The following CDH18 variants were observed in gnomAD, a reference collection of about 807,000 sequenced individuals.
CDH18 encodes the protein cadherin 18.
Under a neutral mutation model 67.9 loss-of-function variants are expected in CDH18, and 31 were observed. The observed-to-expected ratio is 0.46, with a 90% CI of 0.34 to 0.62. CDH18 has a LOEUF of 0.62. CDH18 is among the 20% of genes least tolerant of loss of function. The pLI is 0.01. For synonymous variants in CDH18, 362 were observed against 347.2 expected (o/e 1.04, Z -0.48); for missense variants, 890 against 975.5 (o/e 0.91, Z 1.17).
At chr5:19,816,124 A>G (rs1779261771) in intron 3 of CDH18, among the ~76,000 whole-genome samples, 1 of 151,962 alleles carries the variant, frequency 6.6e-6, no homozygotes, top group African/African-American at 2.4e-5. Flanking sequence ...ATGTCAATAT[A>G]GCCAAGATTC....
chr5:20,443,300 G>A (rs1354466822), intron 1 of CDH18, among the ~76,000 whole-genome samples: 3 of 149,338 alleles, frequency 2.0e-5, no homozygotes, highest in East Asian at 2.0e-4. Flanking sequence ...AATGTTTTAT[G>A]TTCTTGCTTT....
At chr5:20,139,990 A>G (rs1750097495) in intron 2 of CDH18, among the ~76,000 whole-genome samples, 1 of 152,200 alleles carries the variant, frequency 6.6e-6, no homozygotes, top group Admixed American at 6.5e-5. Context: ...AGGAGTATAA[A>G]TCATGCTGCT....
At chr5:19,690,417 C>T (rs1443176631) in intron 5 of CDH18, among the ~76,000 whole-genome samples, 1 of 151,070 alleles carries the variant, frequency 6.6e-6, no homozygotes, top group Admixed American at 6.6e-5. Context: ...TAAAAACACC[C>T]CAAACTTAAT....
intron 2 of CDH18, among the ~76,000 whole-genome samples, chr5:20,124,704 C>T (rs1362899314): frequency 6.6e-6 from 1 of 152,058 alleles, no homozygotes; most frequent in Non-Finnish European, 1.5e-5. Context: ...CCTGTGAAAG[C>T]GGGCATTTGT....
intron 3 of CDH18, among the ~76,000 whole-genome samples, chr5:19,812,016 T>C (rs537589046): frequency 6.6e-6 from 1 of 152,270 alleles, no homozygotes; most frequent in African/African-American, 2.4e-5. Flanking sequence ...AATGTTTAAA[T>C]GATTTTAGCA....
chr5:19,814,776 A>G (rs1197846337), intron 3 of CDH18, among the ~76,000 whole-genome samples: 2 of 150,976 alleles, frequency 1.3e-5, no homozygotes, highest in African/African-American at 4.9e-5. Flanking sequence ...CAAGCCCTGG[A>G]AAAAAAAATG....
chr5:19,503,876 C>G (rs566770820), intron 10 of CDH18, among the ~76,000 whole-genome samples: 2 of 152,178 alleles, frequency 1.3e-5, no homozygotes, highest in South Asian at 2.1e-4. Context: ...ATATTTTCCT[C>G]TTTTGAAAAT....
chr5:19,719,462 T>C (rs1357730599), intron 5 of CDH18, among the ~76,000 whole-genome samples: 1 of 151,990 alleles, frequency 6.6e-6, no homozygotes, highest in Non-Finnish European at 1.5e-5. Flanking sequence ...AATATTATTA[T>C]TGGGAAAATA....
At chr5:20,398,060 A>AC (rs1262797342) in intron 1 of CDH18, among the ~76,000 whole-genome samples, 19 of 152,302 alleles carry the variant, frequency 1.2e-4, no homozygotes, top group African/African-American at 4.6e-4. Context: ...CTTATAGGCT[A>AC]CCACACCATA....
At chr5:20,409,635 CAGA>C (rs538939679) in intron 1 of CDH18, among the ~76,000 whole-genome samples, 5 of 151,100 alleles carry the variant, frequency 3.3e-5, no homozygotes, top group East Asian at 1.9e-4. Context: ...CCAAAGTTAG[CAGA>C]AGAACATAAT....
At chr5:20,028,191 T>C (rs1739084844) in intron 2 of CDH18, among the ~76,000 whole-genome samples, 1 of 152,136 alleles carries the variant, frequency 6.6e-6, no homozygotes, top group African/African-American at 2.4e-5. Context: ...GCTGGTATGT[T>C]TTCAATATAT....
intron 2 of CDH18, among the ~76,000 whole-genome samples, chr5:19,851,915 T>C (rs980582197): frequency 2.0e-5 from 3 of 152,040 alleles, no homozygotes; most frequent in Non-Finnish European, 2.9e-5. Context: ...GAGTTTTCTA[T>C]GTTACACAAG....
chr5:20,574,988 A>T (rs1380053334), intron 1 of CDH18, among the ~76,000 whole-genome samples: 2 of 152,118 alleles, frequency 1.3e-5, no homozygotes, highest in East Asian at 3.9e-4. Flanking sequence ...TTAGAAAAAA[A>T]AAAACCACTA....
intron 1 of CDH18, among the ~76,000 whole-genome samples, chr5:20,273,249 A>G (rs1429235371): frequency 6.6e-6 from 1 of 152,100 alleles, no homozygotes; most frequent in East Asian, 1.9e-4. Context: ...TATGGTGCCT[A>G]TAAATATTAT....
intron 2 of CDH18, among the ~76,000 whole-genome samples, chr5:20,000,124 C>T: frequency 6.6e-6 from 1 of 152,082 alleles, no homozygotes; most frequent in East Asian, 1.9e-4. Context: ...TTGTCCCTTA[C>T]ATAATAAGTT....
intron 5 of CDH18, among the ~76,000 whole-genome samples, chr5:19,711,374 C>A (rs1439755233): frequency 1.3e-5 from 2 of 151,556 alleles, no homozygotes; most frequent in East Asian, 3.9e-4. Flanking sequence ...GAATCTACAA[C>A]GAATGCATAC....
chr5:20,262,043 G>A (rs1377789478), intron 1 of CDH18, among the ~76,000 whole-genome samples: 1 of 151,994 alleles, frequency 6.6e-6, no homozygotes, highest in African/African-American at 2.4e-5. Context: ...GCATTGGAAT[G>A]TCATCAGCAA....
chr5:20,432,206 G>A (rs1748799172), intron 1 of CDH18, among the ~76,000 whole-genome samples: 1 of 152,094 alleles, frequency 6.6e-6, no homozygotes, highest in Admixed American at 6.6e-5. Context: ...TAGTTATAGA[G>A]GCAATTAGAT....
intron 5 of CDH18, among the ~76,000 whole-genome samples, chr5:19,715,513 GA>G (rs1170262224): frequency 6.6e-6 from 1 of 152,024 alleles, no homozygotes; most frequent in Non-Finnish European, 1.5e-5. Context: ...CAATTCCGAA[GA>G]TAAAAGGTTG....
Sources: gnomAD v4.1 joint callset for allele counts (sites outside exome capture counted in the v4.1 genomes callset) on GRCh38, gnomAD v4.1.1 for gene constraint, MANE v1.5 for transcripts, NCBI Gene and HGNC (gene_info 2026-07-23, HGNC 2026-07-21) for gene names.